PHIP: variants seen among roughly 807,000 people sequenced by gnomAD.
PHIP encodes PHIP subunit of CUL4-Ring ligase complex, also known as PH-interacting protein.
A neutral mutation model predicts 236.8 loss-of-function variants in PHIP; 54 were observed. The ratio of observed to expected loss-of-function variants is 0.23; its 90% CI spans 0.18 to 0.29. The LOEUF (loss-of-function observed/expected upper bound fraction) is 0.29. Among genes scored for constraint, PHIP ranks in the 10% least tolerant of loss-of-function variants. PHIP has a pLI of 1.00. For synonymous variants in PHIP, 756 were observed against 718.9 expected, an observed-to-expected ratio of 1.05 and a Z score of -0.83; for missense variants, 1,370 against 2,190.8, an observed-to-expected ratio of 0.63 and a Z score of 7.48.
chr6:79,070,447 C>T (rs746111601), intron 4 of PHIP, among the ~76,000 whole-genome samples: 7 of 152,202 alleles, frequency 4.6e-5, no homozygotes, highest in Admixed American at 4.6e-4. Context: ...TTTCAGACAA[C>T]GGATGTTTCA....
chr6:78,972,799 GA>G (rs1220379742), intron 24 of PHIP, among the ~76,000 whole-genome samples: 2 of 152,044 alleles, frequency 1.3e-5, no homozygotes, highest in Admixed American at 6.6e-5. Context: ...TGAAATGAAT[GA>G]AATGAAGCGA....
At chr6:79,057,751 T>C (rs1773146003) in intron 6 of PHIP, among the ~76,000 whole-genome samples, 1 of 152,046 alleles carries the variant, frequency 6.6e-6, no homozygotes, top group Admixed American at 6.6e-5. Context: ...AAGTCAGTAC[T>C]ACAAACATTC....
intron 31 of PHIP, among the ~76,000 whole-genome samples, 195 bp from the exon 32 acceptor site, chr6:78,958,795 C>T (rs1310339849): frequency 2.0e-5 from 3 of 151,972 alleles, no homozygotes; most frequent in South Asian, 4.1e-4. Flanking sequence ...ACCATAACTA[C>T]GTATTTGCAT....
intron 24 of PHIP, among the ~76,000 whole-genome samples, chr6:78,972,333 A>G (rs1481038449): frequency 6.6e-6 from 1 of 152,214 alleles, no homozygotes; most frequent in Non-Finnish European, 1.5e-5. Flanking sequence ...TGTTAGAAGG[A>G]AAACTAACAA....
intron 6 of PHIP, among the ~76,000 whole-genome samples, chr6:79,049,145 C>T (rs1337036750): frequency 4.6e-5 from 7 of 151,872 alleles, no homozygotes; most frequent in African/African-American, 1.7e-4. Context: ...TCTCTGCAGC[C>T]TCCGCCTCCT....
chr6:79,050,728 A>T (rs1405602092), intron 6 of PHIP, among the ~76,000 whole-genome samples: 1 of 152,180 alleles, frequency 6.6e-6, no homozygotes, highest in Non-Finnish European at 1.5e-5. Context: ...GACAAAAATA[A>T]ACCTAGAGAT....
intron 36 of PHIP, among the ~76,000 whole-genome samples, chr6:78,947,395 C>T (rs930536966): frequency 6.6e-6 from 1 of 152,154 alleles, no homozygotes; most frequent in Non-Finnish European, 1.5e-5. Context: ...TTGCATCAAC[C>T]GCACTACTTC....
intron 13 of PHIP, 41 bp from the exon 14 acceptor site, chr6:79,015,824 T>C: frequency 6.0e-6 from 9 of 1,509,320 alleles, no homozygotes; most frequent in Non-Finnish European, 8.1e-6. Context: ...ATTAAAATAC[T>C]GACACAACAA....
intron 6 of PHIP, among the ~76,000 whole-genome samples, chr6:79,054,684 T>C (rs1356217303): frequency 6.6e-6 from 1 of 151,180 alleles, no homozygotes; most frequent in African/African-American, 2.4e-5. Context: ...ATTCTAATAA[T>C]TATGTAAGAA....
intron 21 of PHIP, among the ~76,000 whole-genome samples, chr6:78,987,157 G>C (rs757481085): frequency 6.6e-6 from 1 of 152,038 alleles, no homozygotes; most frequent in Non-Finnish European, 1.5e-5. Context: ...TGTTGTAACA[G>C]ATGTGTTTCT....
At chr6:79,022,613 T>C (rs942907990) in intron 9 of PHIP, among the ~76,000 whole-genome samples, 13 of 152,136 alleles carry the variant, frequency 8.5e-5, no homozygotes, top group Non-Finnish European at 1.6e-4. Flanking sequence ...TAATCACAAA[T>C]AAAAATTTGT....
intron 24 of PHIP, among the ~76,000 whole-genome samples, chr6:78,973,398 A>G (rs533968930): frequency 1.3e-5 from 2 of 150,616 alleles, no homozygotes; most frequent in East Asian, 3.9e-4. Flanking sequence ...GGAAAGGAAA[A>G]ACCGGTACCA....
At chr6:79,044,362 CAATTT>C (rs1175497335) in intron 6 of PHIP, among the ~76,000 whole-genome samples, 1 of 152,026 alleles carries the variant, frequency 6.6e-6, no homozygotes, top group Non-Finnish European at 1.5e-5. Flanking sequence ...GGTTATATAC[CAATTT>C]AACAGAGACT....
rs1235538510 is a variant in PHIP, at chr6:78,934,912, C to T, written c.*5781G>A. On this transcript the variant is annotated 3_prime_UTR_variant, in exon 40 of 40. Coordinates refer to ENST00000275034, the MANE Select transcript of PHIP (RefSeq NM_017934.7). ...GGTAGAAAGGTATTTCATTGAATGACTTCCACCATTCTTTTCCCAAAGACT... is the reference window on the plus strand; with the variant it reads ...GGTAGAAAGGTATTTCATTGAATGATTTCCACCATTCTTTTCCCAAAGACT... Among the ~76,000 whole-genome samples, 2 of 152,142 alleles carry T rather than the reference C, an allele frequency of 1.3e-5. No individual in the cohort carries two copies. Among genetic ancestry groups the T allele is most frequent in the Non-Finnish European group, 2.9e-5 (2 of 68,034 alleles).
Position 79,077,692 on chromosome 6 carries a change from G to T in PHIP, c.129+8C>A. ...CGGCGGGACGCGCCGGGCCGCCGCCGCCCTTACCTCCTTCTCGGCCACCTC... is the reference window on the plus strand; with the variant it reads ...CGGCGGGACGCGCCGGGCCGCCGCCTCCCTTACCTCCTTCTCGGCCACCTC... On this transcript the variant is annotated splice_region_variant and intron_variant, in intron 3 of 39. Coordinates refer to ENST00000275034, the MANE Select transcript of PHIP (RefSeq NM_017934.7). 2 of 987,792 alleles carry T rather than the reference G, an allele frequency of 2.0e-6. No individual in the cohort carries two copies. Among genetic ancestry groups the T allele is most frequent in the Non-Finnish European group, 2.4e-6 (2 of 832,148 alleles). 61.2% of individuals were successfully genotyped at this position (987,792 alleles called of 1,614,324 possible).
At chr6:78,965,863 A>T (rs1767092407) in intron 28 of PHIP, 82 bp downstream of exon 28, 4 of 1,186,992 alleles carry the variant, frequency 3.4e-6, no homozygotes, top group Non-Finnish European at 3.7e-6. Flanking sequence ...TGTTTAAAAG[A>T]AGTCTCTTTA....
chr6:78,966,937 TG>T (rs1406517117), intron 27 of PHIP, among the ~76,000 whole-genome samples: 1 of 152,234 alleles, frequency 6.6e-6, no homozygotes. Context: ...TCATTTTCCT[TG>T]TCTATAAAAT....
At chr6:78,943,099 G>A (rs1043604639) in intron 39 of PHIP, among the ~76,000 whole-genome samples, 4 of 151,862 alleles carry the variant, frequency 2.6e-5, no homozygotes, top group South Asian at 2.1e-4. Flanking sequence ...ATAACATTTT[G>A]GATATAATGG....
At chr6:78,965,819 T>C in intron 28 of PHIP, 55 bp from the exon 29 acceptor site, 1 of 1,210,736 alleles carries the variant, frequency 8.3e-7, no homozygotes. Flanking sequence ...TATCACAATT[T>C]TAATAAAATC....
Sources: gnomAD v4.1 joint callset for allele counts (sites outside exome capture counted in the v4.1 genomes callset) on GRCh38, gnomAD v4.1.1 for gene constraint, MANE v1.5 for transcripts, NCBI Gene and HGNC (gene_info 2026-07-23, HGNC 2026-07-21) for gene names.